LOXL2: variants seen among roughly 807,000 people sequenced by gnomAD.
LOXL2 encodes the protein lysyl oxidase homolog 2.
A neutral mutation model predicts 93.0 loss-of-function variants in LOXL2; 70 were observed. That is an observed-to-expected ratio of 0.75 (90% CI 0.62 to 0.92). The LOEUF (loss-of-function observed/expected upper bound fraction) is 0.92, where lower values mean the gene tolerates loss of function less well. Ranked by LOEUF, LOXL2 falls within the 40% of genes least tolerant of loss-of-function variation. The pLI is 0.00. For synonymous variants in LOXL2, 438 were observed against 413.2 expected (o/e 1.06, Z -0.73); for missense variants, 973 against 1,054.9 (o/e 0.92, Z 1.08).
At chr8:23,317,695 T>G (rs1803424531) in intron 8 of LOXL2, among the ~76,000 whole-genome samples, 1 of 152,184 alleles carries the variant, frequency 6.6e-6, no homozygotes, top group Admixed American at 6.5e-5. Context: ...ATCCGAGGCT[T>G]AGGATGCTGG....
chr8:23,324,485 C>A (rs1803547419), intron 6 of LOXL2, among the ~76,000 whole-genome samples: 1 of 152,150 alleles, frequency 6.6e-6, no homozygotes, highest in African/African-American at 2.4e-5. Context: ...GGACACTGGA[C>A]TGGGTGTCTG....
At chr8:23,387,360 G>A (rs1804780418) in intron 1 of LOXL2, among the ~76,000 whole-genome samples, 1 of 152,156 alleles carries the variant, frequency 6.6e-6, no homozygotes, top group South Asian at 2.1e-4. Flanking sequence ...AGGGACTCGG[G>A]GATCGAGGTA....
chr8:23,343,377 C>A (rs536829016), intron 3 of LOXL2, among the ~76,000 whole-genome samples: 1 of 152,304 alleles, frequency 6.6e-6, no homozygotes, highest in Non-Finnish European at 1.5e-5. Flanking sequence ...CCAGCTGACT[C>A]CAGTTCCCTC....
At chr8:23,363,232 C>G (rs1804331709) in intron 2 of LOXL2, 1 of 152,252 alleles carries the variant, frequency 6.6e-6, no homozygotes, top group South Asian at 2.1e-4. Flanking sequence ...AACGGAGGCT[C>G]TTCAAGGTCG....
At position 23,298,840 on chromosome 8, in the gene LOXL2, G is replaced by A; in HGVS notation, c.2241C>T (p.His747=). 6.2e-7 allele frequency: 1 copy of A among 1,607,518 alleles called. No individual in the cohort carries two copies. Residue 747 remains histidine (H), a synonymous_variant, in exon 13 of 14, where the codon CAC becomes CAT. Transcript: ENST00000389131. The part of the protein sequence containing the change: ...DGHRIWMYNC[H]IGGSFSEETE... ...GTGGGGGCGGCCTGGCCTTACCTAT[G>A]TGGCAGTTGTACATCCAGATGCGGT... is the stretch of plus-strand genomic sequence containing the variant.
At chr8:23,361,569 G>A (rs1376363988) in intron 2 of LOXL2, among the ~76,000 whole-genome samples, 3 of 152,140 alleles carry the variant, frequency 2.0e-5, no homozygotes, top group Non-Finnish European at 4.4e-5. Flanking sequence ...AATGGGCCAG[G>A]CAGTGGCTCA....
At chr8:23,402,015 C>A (rs1196067159) in intron 1 of LOXL2, among the ~76,000 whole-genome samples, 1 of 152,240 alleles carries the variant, frequency 6.6e-6, no homozygotes, top group Admixed American at 6.5e-5. Context: ...CACACATATA[C>A]ATATACACAC....
intron 3 of LOXL2, among the ~76,000 whole-genome samples, chr8:23,343,103 T>C (rs1803910862): frequency 6.6e-6 from 1 of 152,210 alleles, no homozygotes; most frequent in South Asian, 2.1e-4. Flanking sequence ...TCTTTGTCTA[T>C]GTAATACCCT....
chr8:23,314,193 T>C (rs1485404619), intron 9 of LOXL2, among the ~76,000 whole-genome samples: 3 of 151,792 alleles, frequency 2.0e-5, no homozygotes, highest in Non-Finnish European at 1.5e-5. Flanking sequence ...ACACTGTTGG[T>C]GGGACTGTAA....
chr8:23,380,928 G>A (rs1184154154), intron 1 of LOXL2, among the ~76,000 whole-genome samples: 1 of 152,136 alleles, frequency 6.6e-6, no homozygotes, highest in African/African-American at 2.4e-5. Context: ...CAAAATAATT[G>A]CTTGAACCTG....
chr8:23,320,930 G>A lies in LOXL2; in HGVS notation c.1303-878C>T, dbSNP rs114341466. Among the ~76,000 whole-genome samples the A allele has an allele frequency of 2.6e-3, 390 of 152,158 alleles. 4 individuals are homozygous for A. The highest frequency in any genetic ancestry group is 8.7e-3 in the African/African-American group (360 of 41,522). Reference sequence around the variant, plus strand: ...CAAAAAACAAACGAATAAAAAACCAGGAGGAAGGGTGGGCTTGGCCACATA... The same window carrying A: ...CAAAAAACAAACGAATAAAAAACCAAGAGGAAGGGTGGGCTTGGCCACATA... On this transcript the variant is annotated intron_variant, in intron 7 of 13. Transcript: ENST00000389131.
At chr8:23,383,661 T>TG (rs1172117106) in intron 1 of LOXL2, among the ~76,000 whole-genome samples, 3 of 94,452 alleles carry the variant, frequency 3.2e-5, no homozygotes, top group African/African-American at 1.0e-4. Context: ...TTTTTTGTTT[T>TG]TTTTTTTTTT....
At chr8:23,301,311 C>T (rs534198132) in intron 12 of LOXL2, among the ~76,000 whole-genome samples, 1 of 152,152 alleles carries the variant, frequency 6.6e-6, no homozygotes, top group Non-Finnish European at 1.5e-5. Context: ...CCCCTTTTCT[C>T]CCCCAGTTAG....
chr8:23,394,121 G>A (rs1469342420), intron 1 of LOXL2, among the ~76,000 whole-genome samples: 1 of 152,136 alleles, frequency 6.6e-6, no homozygotes, highest in Non-Finnish European at 1.5e-5. Flanking sequence ...GGCTAGGCAC[G>A]GTGGCTCATG....
chr8:23,361,606 G>T (rs1257214379), intron 2 of LOXL2, among the ~76,000 whole-genome samples: 1 of 152,164 alleles, frequency 6.6e-6, no homozygotes, highest in African/African-American at 2.4e-5. Flanking sequence ...ACTTTTGGAG[G>T]CCAAGGCAGG....
intron 2 of LOXL2, among the ~76,000 whole-genome samples, chr8:23,361,095 G>A (rs10096291): frequency 2.0e-5 from 3 of 151,406 alleles, no homozygotes; most frequent in Admixed American, 2.0e-4. Flanking sequence ...GAGATGGAGT[G>A]TCACCATGTT....
chr8:23,317,186 G>A, intron 8 of LOXL2, 72 bp from the exon 9 acceptor site: 1 of 1,494,990 alleles, frequency 6.7e-7, no homozygotes. Context: ...CTATCAACTT[G>A]CAGCCTCACA....
intron 1 of LOXL2, among the ~76,000 whole-genome samples, chr8:23,387,952 A>G (rs1804788822): frequency 6.6e-6 from 1 of 152,192 alleles, no homozygotes; most frequent in African/African-American, 2.4e-5. Flanking sequence ...TCTGTCTCAA[A>G]CAAACAAACA....
intron 1 of LOXL2, among the ~76,000 whole-genome samples, chr8:23,371,751 CAAAAAAAAAAAAA>C (rs55780832): frequency 1.8e-4 from 8 of 43,888 alleles, no homozygotes; most frequent in African/African-American, 5.6e-4. Context: ...GAGTCTGTCT[CAAAAAAAAAAAAA>C]AAAAAAAAAA....
Sources: gnomAD v4.1 joint callset for allele counts (sites outside exome capture counted in the v4.1 genomes callset) on GRCh38, gnomAD v4.1.1 for gene constraint, MANE v1.5 for transcripts, NCBI Gene and HGNC (gene_info 2026-07-23, HGNC 2026-07-21) for gene names.